RBFOX1: variants seen among roughly 807,000 people sequenced by gnomAD.
RBFOX1 encodes the protein RNA binding fox-1 homolog 1, also known as RNA binding protein fox-1 homolog 1.
A neutral mutation model predicts 57.7 loss-of-function variants in RBFOX1; 8 were observed. The observed-to-expected ratio is 0.14, with a 90% CI of 0.08 to 0.25. The LOEUF (loss-of-function observed/expected upper bound fraction) is 0.25, where lower values mean the gene tolerates loss of function less well. Ranked by LOEUF, RBFOX1 falls within the 10% of genes least tolerant of loss-of-function variation. The pLI, the probability that RBFOX1 is intolerant of heterozygous loss-of-function variation, is 1.00. For missense variants in RBFOX1, 611 were observed against 548.5 expected, an observed-to-expected ratio of 1.11 and a Z score of -1.14; for synonymous variants, 326 against 222.4, an observed-to-expected ratio of 1.47 and a Z score of -4.15.
At chr16:5,452,515 C>T (rs532580729) in intron 1 of RBFOX1, among the ~76,000 whole-genome samples, 1 of 152,266 alleles carries the variant, frequency 6.6e-6, no homozygotes, top group Non-Finnish European at 1.5e-5. Flanking sequence ...TTCCCACTGC[C>T]TTTCGCCAGG....
At chr16:6,493,361 A>C (rs566189281) in intron 2 of RBFOX1, among the ~76,000 whole-genome samples, 1 of 152,262 alleles carries the variant, frequency 6.6e-6, no homozygotes, top group East Asian at 1.9e-4. Context: ...CCACAGAAGA[A>C]AATCAAATTT....
At chr16:6,116,813 G>C (rs2152610507) in intron 1 of RBFOX1, among the ~76,000 whole-genome samples, 1 of 152,226 alleles carries the variant, frequency 6.6e-6, no homozygotes, top group South Asian at 2.1e-4. Flanking sequence ...TGGGACAGCA[G>C]AGAAGAGATG....
At chr16:6,843,183 G>C (rs756571079) in intron 3 of RBFOX1, among the ~76,000 whole-genome samples, 6 of 152,100 alleles carry the variant, frequency 3.9e-5, no homozygotes, top group Admixed American at 6.6e-5. Flanking sequence ...TTTTCTATTA[G>C]AGTGGATGTC....
At chr16:6,000,268 A>C (rs2060574218) in intron 4 of RBFOX1, among the ~76,000 whole-genome samples, 1 of 152,206 alleles carries the variant, frequency 6.6e-6, no homozygotes, top group Non-Finnish European at 1.5e-5. Context: ...GACAAACCGT[A>C]GACTTCCTGA....
chr16:7,228,450 A>T (rs1372723329), intron 4 of RBFOX1, among the ~76,000 whole-genome samples: 3 of 152,208 alleles, frequency 2.0e-5, no homozygotes, highest in African/African-American at 7.2e-5. Flanking sequence ...AGTACCTACT[A>T]TGTGGCTATT....
intron 1 of RBFOX1, among the ~76,000 whole-genome samples, chr16:5,417,885 A>T (rs2067202463): frequency 6.6e-6 from 1 of 152,142 alleles, no homozygotes; most frequent in African/African-American, 2.4e-5. Flanking sequence ...GTTTGAGATC[A>T]TCCTGGCGAA....
intron 1 of RBFOX1, among the ~76,000 whole-genome samples, chr16:5,367,065 C>T (rs1567396885): frequency 6.6e-6 from 1 of 152,126 alleles, no homozygotes; most frequent in Non-Finnish European, 1.5e-5. Flanking sequence ...GTGGTTTTCT[C>T]AATTTTTAAA....
intron 4 of RBFOX1, among the ~76,000 whole-genome samples, chr16:7,353,252 C>G (rs1227390207): frequency 6.6e-6 from 1 of 152,092 alleles, no homozygotes; most frequent in Non-Finnish European, 1.5e-5. Flanking sequence ...TAAATGGTAC[C>G]TATTACAAAT....
chr16:6,693,184 C>A (rs2060482549), intron 3 of RBFOX1, among the ~76,000 whole-genome samples: 1 of 151,586 alleles, frequency 6.6e-6, no homozygotes, highest in African/African-American at 2.4e-5. Flanking sequence ...TCACCATCAT[C>A]CGCATCCGCT....
intron 4 of RBFOX1, among the ~76,000 whole-genome samples, chr16:7,307,878 T>C (rs1182594971): frequency 6.6e-6 from 1 of 152,228 alleles, no homozygotes; most frequent in Admixed American, 6.5e-5. Flanking sequence ...TGCCTCAATC[T>C]CCTTTCCTGA....
At chr16:6,941,300 C>CTCCTTCCTTCCTTCCTTCCTTCCTTCCT (rs57110590) in intron 3 of RBFOX1, among the ~76,000 whole-genome samples, 17 of 79,218 alleles carry the variant, frequency 2.1e-4, no homozygotes, top group East Asian at 1.2e-3. Context: ...CCCTCCCTCC[C>CTCCTTCCTTCCTTCCTTCCTTCCTTCCT]TCCTTCCTTC....
intron 14 of RBFOX1, among the ~76,000 whole-genome samples, chr16:7,698,277 C>G (rs1040515633): frequency 4.6e-5 from 7 of 151,946 alleles, no homozygotes; most frequent in African/African-American, 7.2e-5. Flanking sequence ...TCCACCATGC[C>G]AGGACCCACC....
intron 3 of RBFOX1, among the ~76,000 whole-genome samples, chr16:6,863,938 CCTT>C (rs1292438494): frequency 2.0e-5 from 3 of 151,108 alleles, no homozygotes; most frequent in African/African-American, 7.3e-5. Context: ...TGTGCTCCCT[CCTT>C]CTTCCTTCTC....
intron 3 of RBFOX1, among the ~76,000 whole-genome samples, chr16:6,730,190 G>A (rs888650253): frequency 6.6e-6 from 1 of 152,136 alleles, no homozygotes; most frequent in African/African-American, 2.4e-5. Context: ...ATAAGGAGAA[G>A]AGGAGGGGAC....
chr16:7,219,708 C>T (rs535905199), intron 4 of RBFOX1, among the ~76,000 whole-genome samples: 2 of 152,258 alleles, frequency 1.3e-5, no homozygotes, highest in African/African-American at 2.4e-5. Context: ...ACCCTGGAAA[C>T]AGGAAGCAGG....
At chr16:7,709,481 C>T (rs2083560018) in intron 15 of RBFOX1, 1 of 1,460,558 alleles carries the variant, frequency 6.8e-7, no homozygotes, top group East Asian at 2.6e-5. Context: ...TCCCTTGCTG[C>T]TCATTCACAT....
At chr16:5,623,862 C>G (rs1359853524) in intron 3 of RBFOX1, among the ~76,000 whole-genome samples, 1 of 152,134 alleles carries the variant, frequency 6.6e-6, no homozygotes. Flanking sequence ...AGATATCATT[C>G]ATATACAGTA....
intron 2 of RBFOX1, among the ~76,000 whole-genome samples, chr16:6,426,417 G>A (rs568027238): frequency 6.6e-6 from 1 of 152,252 alleles, no homozygotes; most frequent in East Asian, 1.9e-4. Context: ...AGGACAAGAG[G>A]AGGGGAAAGA....
chr16:6,341,408 G>C (rs912434236), intron 2 of RBFOX1, among the ~76,000 whole-genome samples: 1 of 152,074 alleles, frequency 6.6e-6, no homozygotes, highest in African/African-American at 2.4e-5. Flanking sequence ...GAGACTTCCT[G>C]GGCGGCATTC....
Sources: gnomAD v4.1 joint callset for allele counts (sites outside exome capture counted in the v4.1 genomes callset) on GRCh38, gnomAD v4.1.1 for gene constraint, MANE v1.5 for transcripts, NCBI Gene and HGNC (gene_info 2026-07-23, HGNC 2026-07-21) for gene names.